The following NLK variants were observed in gnomAD, a reference collection of about 807,000 sequenced individuals.
NLK encodes serine/threonine-protein kinase NLK.
A neutral mutation model predicts 59.0 loss-of-function variants in NLK; 11 were observed. The observed-to-expected ratio is 0.19, with a 90% CI of 0.12 to 0.31. The LOEUF (loss-of-function observed/expected upper bound fraction) is 0.31, where lower values mean the gene tolerates loss of function less well. Among genes scored for constraint, NLK ranks in the 10% least tolerant of loss-of-function variants. The pLI, the probability that NLK is intolerant of heterozygous loss-of-function variation, is 1.00. For missense variants in NLK, 410 were observed against 661.1 expected, an observed-to-expected ratio of 0.62 and a Z score of 4.16; for synonymous variants, 235 against 235.9, an observed-to-expected ratio of 1.00 and a Z score of 0.03.
chr17:28,179,616 C>A (rs1051316672), intron 7 of NLK, among the ~76,000 whole-genome samples: 2 of 152,114 alleles, frequency 1.3e-5, no homozygotes, highest in Admixed American at 6.5e-5. Flanking sequence ...CACCTGTAAT[C>A]CCAGCTACTC....
intron 1 of NLK, among the ~76,000 whole-genome samples, chr17:28,081,973 A>G (rs7222137): frequency 0.016 from 2,387 of 152,270 alleles, 55 homozygotes; most frequent in African/African-American, 0.053. Context: ...GGATCACTGT[A>G]ACCTCTACCT....
chr17:28,064,883 A>C (rs989905945), intron 1 of NLK, among the ~76,000 whole-genome samples: 1 of 152,234 alleles, frequency 6.6e-6, no homozygotes, highest in African/African-American at 2.4e-5. Context: ...AAATGTGATA[A>C]TGTGTATAAA....
At chr17:28,178,997 T>C (rs1908792198) in intron 7 of NLK, among the ~76,000 whole-genome samples, 1 of 152,218 alleles carries the variant, frequency 6.6e-6, no homozygotes, top group South Asian at 2.1e-4. Context: ...TTAGGGCCAC[T>C]CACCCAAGTC....
intron 1 of NLK, among the ~76,000 whole-genome samples, chr17:28,118,010 A>G (rs944405893): frequency 1.3e-5 from 2 of 152,296 alleles, no homozygotes; most frequent in African/African-American, 4.8e-5. Context: ...AATTTGTTAC[A>G]TAAATTTCTT....
At chr17:28,121,998 A>G (rs985212431) in intron 1 of NLK, among the ~76,000 whole-genome samples, 102 of 152,160 alleles carry the variant, frequency 6.7e-4, no homozygotes, top group African/African-American at 2.4e-3. Flanking sequence ...CAACTACCAC[A>G]CTAAGAGCTG....
chr17:28,128,884 A>T (rs1323005026), intron 2 of NLK, among the ~76,000 whole-genome samples: 1 of 152,196 alleles, frequency 6.6e-6, no homozygotes, highest in Non-Finnish European at 1.5e-5. Context: ...AATAGGTAGC[A>T]ATTGGAAACA....
rs532079172 is a variant in NLK at position 28,163,431 on chromosome 17, T to C, written c.752-112T>C. ...CTTTTAATAATGTTCATTATGCAGT[T>C]ATTTAGGGAACAATTTTAAATCCTC... On this transcript the variant is annotated intron_variant, in intron 4 of 10. Transcript: ENST00000407008. The C allele has an allele frequency of 7.0e-5, 45 of 640,086 alleles. No individual in the cohort carries two copies. In the East Asian group the frequency reaches 1.2e-3, roughly 17 times the overall value. The allele number at this position is 640,086 out of a possible 1,614,324, so 39.7% of individuals were successfully genotyped here.
At chr17:28,063,175 G>T (rs34446342) in intron 1 of NLK, among the ~76,000 whole-genome samples, 1 of 152,038 alleles carries the variant, frequency 6.6e-6, no homozygotes, top group African/African-American at 2.4e-5. Context: ...CAAGCTCTCC[G>T]CCCACTTTGG....
intron 4 of NLK, among the ~76,000 whole-genome samples, chr17:28,161,525 G>A (rs1388726262): frequency 6.6e-6 from 1 of 152,210 alleles, no homozygotes; most frequent in Admixed American, 6.5e-5. Flanking sequence ...TAATCTAGGT[G>A]AATAAGCAGG....
At chr17:28,061,745 TATATACATATATACAC>T (rs896331436) in intron 1 of NLK, among the ~76,000 whole-genome samples, 31 of 147,064 alleles carry the variant, frequency 2.1e-4, no homozygotes, top group Non-Finnish European at 2.5e-4. Context: ...ATTTCATATA[TATATACATATATACAC>T]ATATACATAT....
chr17:28,164,265 A>G (rs1908128448), intron 5 of NLK, among the ~76,000 whole-genome samples: 1 of 151,708 alleles, frequency 6.6e-6, no homozygotes, highest in African/African-American at 2.4e-5. Context: ...AGCTACTCAG[A>G]AGGCTGAGAT....
chr17:28,077,073 C>CTTTTTTTT (rs35639099), intron 1 of NLK, among the ~76,000 whole-genome samples: 298 of 42,356 alleles, frequency 7.0e-3, no homozygotes, highest in Middle Eastern at 0.031. Flanking sequence ...CTCTTTCTTT[C>CTTTTTTTT]TTTTTTTTTT....
At chr17:28,119,470 A>G (rs1011211934) in intron 1 of NLK, among the ~76,000 whole-genome samples, 4 of 152,200 alleles carry the variant, frequency 2.6e-5, no homozygotes, top group African/African-American at 9.7e-5. Context: ...TCTCACCATA[A>G]TAGGGTAACC....
At chr17:28,113,717 T>C (rs1905627491) in intron 1 of NLK, among the ~76,000 whole-genome samples, 1 of 152,196 alleles carries the variant, frequency 6.6e-6, no homozygotes, top group Non-Finnish European at 1.5e-5. Context: ...TATCTCATCC[T>C]GTGACTTAGA....
intron 1 of NLK, among the ~76,000 whole-genome samples, chr17:28,053,831 G>A (rs897296860): frequency 6.6e-5 from 10 of 152,220 alleles, no homozygotes; most frequent in African/African-American, 1.7e-4. Context: ...ATGGCAGAGA[G>A]TTGCAGATTT....
rs1032624735 is a variant in NLK at position 28,148,013 on chromosome 17, C to T, written c.645-13147C>T. On this transcript the variant is annotated intron_variant, in intron 3 of 10. Transcript: ENST00000407008. ...TAAATTTTAAAGATAAACTTTTATG[C>T]AAATGAAAAGCAGATTGTAACCAAA... Among the ~76,000 whole-genome samples, 3 of 152,026 alleles carry T rather than the reference C, an allele frequency of 2.0e-5. No homozygotes were observed. In the East Asian group the frequency reaches 5.8e-4, roughly 29 times the overall value.
At chr17:28,057,235 G>A (rs1445956383) in intron 1 of NLK, among the ~76,000 whole-genome samples, 1 of 152,044 alleles carries the variant, frequency 6.6e-6, no homozygotes, top group Non-Finnish European at 1.5e-5. Flanking sequence ...GATTACAGGC[G>A]TGAGCCACCA....
chr17:28,131,461 G>A (rs944827801), intron 2 of NLK, among the ~76,000 whole-genome samples: 4 of 151,332 alleles, frequency 2.6e-5, no homozygotes, highest in Admixed American at 6.6e-5. Context: ...AATTATATAG[G>A]GAGAGTAAAG....
At chr17:28,067,375 A>G (rs1567704499) in intron 1 of NLK, among the ~76,000 whole-genome samples, 1 of 152,184 alleles carries the variant, frequency 6.6e-6, no homozygotes, top group African/African-American at 2.4e-5. Context: ...TACATGGACA[A>G]TGCTTGCACA....
Sources: gnomAD v4.1 joint callset for allele counts (sites outside exome capture counted in the v4.1 genomes callset) on GRCh38, gnomAD v4.1.1 for gene constraint, MANE v1.5 for transcripts, NCBI Gene and HGNC (gene_info 2026-07-23, HGNC 2026-07-21) for gene names.